The following C2orf42 variants were observed in gnomAD, a reference collection of about 807,000 sequenced individuals.
C2orf42 encodes chromosome 2 open reading frame 42, also known as uncharacterized protein C2orf42.
C2orf42 carries 44 observed loss-of-function variants against 58.9 expected under a neutral mutation model. The ratio of observed to expected loss-of-function variants is 0.75; its 90% CI spans 0.59 to 0.96. The LOEUF (loss-of-function observed/expected upper bound fraction) is 0.96, where lower values mean the gene tolerates loss of function less well. C2orf42 is among the 40% of genes least tolerant of loss of function. The pLI is 0.00. For synonymous variants in C2orf42, 239 were observed against 265.4 expected (o/e 0.90, Z 0.97); for missense variants, 630 against 699.2 (o/e 0.90, Z 1.12).
rs1314439060 is a variant in C2orf42, at chr2:70,165,571, TA to T, written c.1208del (p.Ile403AsnfsTer3). ...QSFFDALQQR[I>X]SIGSAKKRLP... is the part of the protein sequence containing the mutation. ...GCCGTTTTTTTGCACTTCCTATAGA[TA>T]TTCTTTGTTGCAGGGCATCAAAAAA... On this transcript the variant is annotated frameshift_variant, in exon 7 of 10. Transcript: ENST00000264434. LOFTEE classifies it high-confidence loss of function. 6.2e-7 allele frequency: 1 copy of T among 1,612,670 alleles called. No individual in the cohort carries two copies. The highest frequency in any genetic ancestry group is 8.5e-7 in the Non-Finnish European group (1 of 1,178,696).
intron 5 of C2orf42, among the ~76,000 whole-genome samples, chr2:70,172,116 C>T (rs1488460373): frequency 1.3e-5 from 2 of 150,230 alleles, no homozygotes; most frequent in African/African-American, 2.4e-5. Flanking sequence ...CTCAGCTACT[C>T]GGGAGGCTGA....
At chr2:70,182,085 A>G in intron 2 of C2orf42, 88 bp from the exon 3 acceptor site, 1 of 664,008 alleles carries the variant, frequency 1.5e-6, no homozygotes. Flanking sequence ...CAGAAGGCAA[A>G]ATATAAAAAA....
intron 5 of C2orf42, among the ~76,000 whole-genome samples, chr2:70,171,898 A>C (rs1185215837): frequency 6.6e-6 from 1 of 151,844 alleles, no homozygotes; most frequent in East Asian, 1.9e-4. Context: ...GATGGAATTT[A>C]ATGGAGCCAG....
intron 4 of C2orf42, among the ~76,000 whole-genome samples, chr2:70,178,438 C>G (rs939711853): frequency 6.6e-6 from 1 of 151,310 alleles, no homozygotes; most frequent in Non-Finnish European, 1.5e-5. Context: ...GAAACCCCGT[C>G]TCTACTAAAA....
At chr2:70,161,239 T>C (rs965603498) in intron 8 of C2orf42, among the ~76,000 whole-genome samples, 1 of 152,176 alleles carries the variant, frequency 6.6e-6, no homozygotes, top group Non-Finnish European at 1.5e-5. Flanking sequence ...GATGCTGTGG[T>C]GACCCAGAGC....
intron 9 of C2orf42, among the ~76,000 whole-genome samples, chr2:70,154,556 C>G (rs115714837): frequency 6.7e-6 from 1 of 150,142 alleles, no homozygotes; most frequent in Non-Finnish European, 1.5e-5. Flanking sequence ...GAAATAGACA[C>G]AAATACAACA....
At chr2:70,170,496 C>T (rs1272321796) in intron 5 of C2orf42, among the ~76,000 whole-genome samples, 1 of 151,904 alleles carries the variant, frequency 6.6e-6, no homozygotes, top group Non-Finnish European at 1.5e-5. Flanking sequence ...GATCTGCACG[C>T]CTTGGCCTCC....
At position 70,182,919 on chromosome 2, in the gene C2orf42, G is replaced by C. The variant is rs1222986995; in HGVS notation, c.-265C>G. 1 of 152,146 alleles carries C rather than the reference G, an allele frequency of 6.6e-6. No homozygotes were observed. Among genetic ancestry groups the C allele is most frequent in the East Asian group, 1.9e-4 (1 of 5,196 alleles). The allele number at this position is 152,146 out of a possible 1,614,324, so 9.4% of individuals were successfully genotyped here. ...GCAAATAAGATTCCCACTTCCCTAA[G>C]TGGAGATCTTGATAGTCTGCGAGTA... On this transcript the variant is annotated 5_prime_UTR_variant, in exon 2 of 10. Transcript: ENST00000264434.
intron 6 of C2orf42, among the ~76,000 whole-genome samples, chr2:70,168,668 AAC>A (rs1380801052): frequency 1.3e-5 from 2 of 151,330 alleles, no homozygotes; most frequent in East Asian, 2.0e-4. Context: ...TATAACAAAT[AAC>A]ACCCAAATCC....
At position 70,164,583 on chromosome 2, in the gene C2orf42, G is replaced by C. The variant is rs565321658; in HGVS notation, c.1353+509C>G. Among the ~76,000 whole-genome samples the C allele has an allele frequency of 3.1e-3, 471 of 152,116 alleles. 2 individuals carry two copies. Among genetic ancestry groups the C allele is most frequent in the Non-Finnish European group, 5.1e-3 (346 of 68,008 alleles). On this transcript the variant is annotated intron_variant, in intron 8 of 9. Coordinates refer to ENST00000264434, the MANE Select transcript of C2orf42 (RefSeq NM_017880.3). ...GGAGGCAGAGGTTGCAGTGAGCCAA[G>C]ATTGCGCCACTGCACTCCAGCCTGG...
intron 8 of C2orf42, among the ~76,000 whole-genome samples, chr2:70,162,429 C>T (rs1228758983): frequency 1.3e-5 from 2 of 151,834 alleles, no homozygotes; most frequent in Admixed American, 1.3e-4. Context: ...GGGTGGATCA[C>T]CTGAGGTCAG....
rs1206663492 is a variant in C2orf42 at position 70,179,640 on chromosome 2, G to A, written c.826C>T (p.Leu276Phe). The change falls in exon 4 of 10, where the codon CTT becomes TTT. Residue 276 changes from leucine (L) to phenylalanine (F), a missense_variant and splice_region_variant. Transcript: ENST00000264434. ...AACTGGGGTACAATAATCTCTTTAA[G>A]ACCTAAAAAAAAGAAGATTTCTGAA... ...SDFLNFDSSG[L>F]KEIIVPQLGC... The A allele has an allele frequency of 2.3e-6, 3 of 1,314,872 alleles. No individual in the cohort carries two copies. Among genetic ancestry groups the A allele is most frequent in the African/African-American group, 1.5e-5 (1 of 68,830 alleles). 81.5% of individuals were successfully genotyped at this position (1,314,872 alleles called of 1,614,324 possible). A position where few individuals can be genotyped will look rare whatever the true frequency, so the allele number is the denominator to read the frequency against.
intron 1 of C2orf42, among the ~76,000 whole-genome samples, chr2:70,188,332 C>T (rs1298508532): frequency 6.6e-6 from 1 of 151,916 alleles, no homozygotes; most frequent in Non-Finnish European, 1.5e-5. Context: ...GGATTACAGG[C>T]GTCCACCACC....
chr2:70,158,963 G>T, intron 9 of C2orf42, among the ~76,000 whole-genome samples: 1 of 140,090 alleles, frequency 7.1e-6, no homozygotes. Flanking sequence ...AGTGCATGGA[G>T]TGCAGTGGCG....
intron 6 of C2orf42, among the ~76,000 whole-genome samples, chr2:70,169,291 G>A (rs1000658252): frequency 1.3e-5 from 2 of 149,906 alleles, no homozygotes; most frequent in South Asian, 2.1e-4. Flanking sequence ...ACGTGCACAC[G>A]AACTTATGCA....
At chr2:70,189,603 G>A (rs1675194285) in intron 1 of C2orf42, among the ~76,000 whole-genome samples, 1 of 151,208 alleles carries the variant, frequency 6.6e-6, no homozygotes, top group Non-Finnish European at 1.5e-5. Context: ...TGTAGTCCCA[G>A]CTACTAGGGA....
intron 8 of C2orf42, among the ~76,000 whole-genome samples, 166 bp downstream of exon 8, chr2:70,164,926 T>C (rs11884902): frequency 1.4e-3 from 219 of 152,244 alleles, no homozygotes; most frequent in African/African-American, 4.9e-3. Flanking sequence ...CACATTAAAA[T>C]TGGAGTCAGA....
chr2:70,163,549 A>T (rs1054135991), intron 8 of C2orf42, among the ~76,000 whole-genome samples: 3 of 152,052 alleles, frequency 2.0e-5, no homozygotes, highest in Admixed American at 2.0e-4. Context: ...CCAGCCCGAA[A>T]AACATTTTAA....
intron 9 of C2orf42, among the ~76,000 whole-genome samples, chr2:70,159,832 A>C (rs1035823317): frequency 3.9e-4 from 60 of 152,108 alleles, no homozygotes; most frequent in Admixed American, 2.7e-3. Context: ...CACTGTGCCC[A>C]GCTTTCATTT....
Sources: allele counts gnomAD v4.1 joint callset (sites outside exome capture counted in the v4.1 genomes callset), GRCh38; gene constraint gnomAD v4.1.1; transcripts MANE v1.5; gene names NCBI Gene and HGNC (gene_info 2026-07-23, HGNC 2026-07-21).